Variants in FAM240B observed in about 807,000 individuals in gnomAD.
FAM240B encodes protein FAM240B.
chr9:38,710,915 T>A (rs1425169762), intron 1 of FAM240B, among the ~76,000 whole-genome samples: 1 of 152,150 alleles, frequency 6.6e-6, no homozygotes, highest in Non-Finnish European at 1.5e-5. Flanking sequence ...ACCTTGTTGA[T>A]GGTGATAGAG....
intron 1 of FAM240B, among the ~76,000 whole-genome samples, chr9:38,709,219 GGT>G (rs1400699593): frequency 2.0e-5 from 3 of 152,124 alleles, no homozygotes; most frequent in African/African-American, 7.2e-5. Context: ...AACTTCAGCA[GGT>G]GCAAGAACTT....
At chr9:38,703,755 C>T (rs371751723) in intron 2 of FAM240B, 102 bp downstream of exon 2, 70 of 397,480 alleles carry the variant, frequency 1.8e-4, no homozygotes, top group East Asian at 1.6e-3. Flanking sequence ...TACCTTCCTA[C>T]AGCAGTGGGT....
At chr9:38,708,098 A>T (rs76249955) in intron 1 of FAM240B, among the ~76,000 whole-genome samples, 16,107 of 152,164 alleles carry the variant, frequency 0.11, 924 homozygotes, top group African/African-American at 0.13. Context: ...GTCCAACACC[A>T]CACTGGCCAA....
intron 1 of FAM240B, among the ~76,000 whole-genome samples, chr9:38,711,015 A>G (rs1821249077): frequency 1.3e-5 from 2 of 152,148 alleles, no homozygotes. Context: ...GCTCATGACA[A>G]CAGCTGGATA....
intron 2 of FAM240B, among the ~76,000 whole-genome samples, chr9:38,703,225 A>G (rs1223006278): frequency 6.6e-6 from 1 of 152,206 alleles, no homozygotes; most frequent in Admixed American, 6.5e-5. Flanking sequence ...ATGTTTTGAC[A>G]TCTTACAAAG....
chr9:38,701,044 G>GT (rs1181903013), intron 2 of FAM240B, among the ~76,000 whole-genome samples: 1 of 152,204 alleles, frequency 6.6e-6, no homozygotes, highest in Non-Finnish European at 1.5e-5. Flanking sequence ...AAATTTGGAG[G>GT]TTTTTTGGTC....
At chr9:38,700,654 G>A (rs1022028388) in intron 2 of FAM240B, among the ~76,000 whole-genome samples, 6 of 152,158 alleles carry the variant, frequency 3.9e-5, no homozygotes, top group Non-Finnish European at 5.9e-5. Flanking sequence ...ATGCCTATAC[G>A]ACACTCGACT....
At chr9:38,711,911 C>T (rs1422561730) in intron 1 of FAM240B, among the ~76,000 whole-genome samples, 1 of 152,122 alleles carries the variant, frequency 6.6e-6, no homozygotes, top group Non-Finnish European at 1.5e-5. Flanking sequence ...CCGTCTCGGC[C>T]TCCCAAAGTG....
chr9:38,705,204 C>T (rs1821174856), intron 1 of FAM240B: 1 of 152,410 alleles, frequency 6.6e-6, no homozygotes, highest in East Asian at 1.9e-4. Context: ...TGGTCCCTTA[C>T]TTCACAGCTA....
At chr9:38,708,159 C>T (rs1351795297) in intron 1 of FAM240B, among the ~76,000 whole-genome samples, 2 of 152,208 alleles carry the variant, frequency 1.3e-5, no homozygotes, top group Non-Finnish European at 2.9e-5. Context: ...CTACCTGCCC[C>T]TCCTAGTGGA....
intron 1 of FAM240B, among the ~76,000 whole-genome samples, chr9:38,713,066 T>C (rs1821272304): frequency 6.6e-6 from 1 of 152,148 alleles, no homozygotes; most frequent in South Asian, 2.1e-4. Context: ...TGCCAGGTTG[T>C]GAGTGGGCTC....
intron 1 of FAM240B, among the ~76,000 whole-genome samples, chr9:38,713,476 TCAAA>T (rs1239784087): frequency 1.4e-3 from 35 of 24,366 alleles, no homozygotes; most frequent in African/African-American, 4.1e-3. Flanking sequence ...AGACTCCGTT[TCAAA>T]CAAAAAAAAA....
intron 2 of FAM240B, 104 bp from the exon 3 acceptor site, chr9:38,694,973 A>G: frequency 2.5e-6 from 1 of 397,036 alleles, no homozygotes; most frequent in Non-Finnish European, 4.4e-6. Flanking sequence ...TTTTAAAAGA[A>G]ACCCATTGTG....
At chr9:38,714,781 G>C (rs566445672) in intron 1 of FAM240B, among the ~76,000 whole-genome samples, 119 of 152,288 alleles carry the variant, frequency 7.8e-4, no homozygotes, top group African/African-American at 2.6e-3. Flanking sequence ...GATAAAGACT[G>C]AGAAACGGTC....
chr9:38,697,188 C>A (rs540875861), intron 2 of FAM240B, among the ~76,000 whole-genome samples: 1 of 152,162 alleles, frequency 6.6e-6, no homozygotes, highest in African/African-American at 2.4e-5. Flanking sequence ...CATGAAAATG[C>A]GCCACTCAGA....
chr9:38,711,783 A>C (rs371024680), intron 1 of FAM240B, among the ~76,000 whole-genome samples: 7 of 151,212 alleles, frequency 4.6e-5, no homozygotes, highest in Admixed American at 4.6e-4. Context: ...CAGCCTCCTG[A>C]GTAGCTGGGA....
Position 38,694,676 on chromosome 9 carries a change from G to T in FAM240B, c.*100C>A. ...CCTAGCAAATGGAAGCACAAATAGA[G>T]AGCGTCCTGTTTAGTAAATCAGCAC... On this transcript the variant is annotated 3_prime_UTR_variant, in exon 3 of 3. Transcript: ENST00000637493. 2.5e-6 allele frequency: 1 copy of T among 397,476 alleles called. No individual in the cohort carries two copies. Among genetic ancestry groups the T allele is most frequent in the Non-Finnish European group, 4.4e-6 (1 of 225,552 alleles). 24.6% of individuals were successfully genotyped at this position (397,476 alleles called of 1,614,324 possible). A position where few individuals can be genotyped will look rare whatever the true frequency, so the allele number is the denominator to read the frequency against.
intron 1 of FAM240B, among the ~76,000 whole-genome samples, chr9:38,711,432 C>T (rs544614431): frequency 2.0e-5 from 3 of 152,196 alleles, no homozygotes; most frequent in South Asian, 2.1e-4. Flanking sequence ...GACTGTGGCC[C>T]GTATGCATTT....
chr9:38,712,483 C>T (rs1821266640), intron 1 of FAM240B, among the ~76,000 whole-genome samples: 1 of 152,172 alleles, frequency 6.6e-6, no homozygotes, highest in Non-Finnish European at 1.5e-5. Flanking sequence ...CAAATGCCAT[C>T]TCATTTAATC....
Sources: allele counts gnomAD v4.1 joint callset (sites outside exome capture counted in the v4.1 genomes callset), GRCh38; gene constraint gnomAD v4.1.1; transcripts MANE v1.5; gene names NCBI Gene and HGNC (gene_info 2026-07-23, HGNC 2026-07-21).